Variants in COMMD1 observed in about 807,000 individuals in gnomAD.
The protein encoded by COMMD1 is COMM domain-containing protein 1.
Under a neutral mutation model 17.2 loss-of-function variants are expected in COMMD1, and 10 were observed. The observed-to-expected ratio is 0.58, with a 90% CI of 0.36 to 0.99. The LOEUF (loss-of-function observed/expected upper bound fraction) is 0.99. Ranked by LOEUF, COMMD1 falls within the 50% of genes least tolerant of loss-of-function variation. The pLI is 0.01. For synonymous variants in COMMD1, 97 were observed against 91.6 expected, an observed-to-expected ratio of 1.06 and a Z score of -0.34; for missense variants, 270 against 231.8, an observed-to-expected ratio of 1.17 and a Z score of -1.07.
rs980779549 is a variant in COMMD1 at position 62,030,719 on chromosome 2, A to G, written c.462+29737A>G. 9.2e-5 allele frequency among the ~76,000 whole-genome samples: 14 copies of G among 152,310 alleles called. No homozygotes were observed. In the South Asian group the frequency reaches 2.7e-3, roughly 29 times the overall value. On this transcript the variant is annotated intron_variant, in intron 2 of 2. Coordinates refer to ENST00000311832, the MANE Select transcript of COMMD1 (RefSeq NM_152516.4). ...TCTCTTAATAGACTATATACTTAAA[A>G]TATTTGCTGAAGCTTTAGAAGCCTC...
intron 1 of COMMD1, among the ~76,000 whole-genome samples, chr2:61,983,401 G>T (rs546412252): frequency 1.1e-4 from 17 of 152,176 alleles, no homozygotes; most frequent in African/African-American, 3.9e-4. Context: ...GTGTTAGCCA[G>T]GATGGTGTCA....
chr2:61,908,729 T>A (rs936029973), intron 1 of COMMD1, among the ~76,000 whole-genome samples: 5 of 151,564 alleles, frequency 3.3e-5, no homozygotes, highest in African/African-American at 1.2e-4. Flanking sequence ...CCGGCTAATT[T>A]TTTTGTTTTT....
At chr2:61,889,493 G>A (rs903521188) in intron 1 of COMMD1, among the ~76,000 whole-genome samples, 1 of 152,144 alleles carries the variant, frequency 6.6e-6, no homozygotes, top group Admixed American at 6.5e-5. Flanking sequence ...TTACAGGCGT[G>A]AGCCACCGCG....
chr2:62,135,315 G>A (rs933298006), intron 2 of COMMD1, among the ~76,000 whole-genome samples: 6 of 151,730 alleles, frequency 4.0e-5, no homozygotes, highest in Admixed American at 2.6e-4. Flanking sequence ...ACATTTGTAC[G>A]CCTCTTATTT....
intron 1 of COMMD1, among the ~76,000 whole-genome samples, chr2:61,963,061 G>A (rs1483010392): frequency 4.0e-5 from 6 of 151,596 alleles, no homozygotes; most frequent in Non-Finnish European, 8.8e-5. Flanking sequence ...TCGGGAGGCT[G>A]AGGCAGGAGA....
At chr2:62,056,610 G>T (rs1459940516) in intron 2 of COMMD1, among the ~76,000 whole-genome samples, 1 of 152,228 alleles carries the variant, frequency 6.6e-6, no homozygotes, top group Non-Finnish European at 1.5e-5. Context: ...TGAACATTAG[G>T]ATTTCTGACA....
chr2:62,074,992 C>T (rs1248605267), intron 2 of COMMD1, among the ~76,000 whole-genome samples: 7 of 149,682 alleles, frequency 4.7e-5, no homozygotes, highest in East Asian at 2.0e-4. Flanking sequence ...CGGGTTCAAG[C>T]GATTCTCCTG....
rs143075982 is a variant in COMMD1, at chr2:61,939,826, C to A, written c.180+33968C>A. 1.7e-3 allele frequency among the ~76,000 whole-genome samples: 265 copies of A among 152,274 alleles called. 2 individuals are homozygous for A. Among genetic ancestry groups the A allele is most frequent in the African/African-American group, 6.3e-3 (263 of 41,546 alleles). On this transcript the variant is annotated intron_variant, in intron 1 of 2. Coordinates refer to ENST00000311832, the MANE Select transcript of COMMD1 (RefSeq NM_152516.4). ...TCACCTCAGAACTGCCATTCACAAGCCAAACAGGTCATGAGAGCTATCAGG... is the reference window on the plus strand; with the variant it reads ...TCACCTCAGAACTGCCATTCACAAGACAAACAGGTCATGAGAGCTATCAGG...
At chr2:61,923,717 A>T (rs569390308) in intron 1 of COMMD1, among the ~76,000 whole-genome samples, 1 of 152,140 alleles carries the variant, frequency 6.6e-6, no homozygotes, top group Non-Finnish European at 1.5e-5. Flanking sequence ...CCAGTGAAAA[A>T]GTTTTAATTG....
At chr2:62,104,233 T>C (rs1672261471) in intron 2 of COMMD1, among the ~76,000 whole-genome samples, 1 of 152,144 alleles carries the variant, frequency 6.6e-6, no homozygotes, top group Non-Finnish European at 1.5e-5. Context: ...TGGCTTACGC[T>C]TATAATCCCA....
intron 1 of COMMD1, among the ~76,000 whole-genome samples, chr2:61,963,206 C>A (rs1247668462): frequency 6.8e-6 from 1 of 146,648 alleles, no homozygotes; most frequent in Non-Finnish European, 1.5e-5. Flanking sequence ...CACACACACA[C>A]ACACACACAC....
In COMMD1 at chr2:61,992,846, A is replaced by G. The variant is rs1334388014; in HGVS notation, c.181-7855A>G. ...TTTAACAGATAGTAATACATGCATA[A>G]TATAGTTCTATGCAGAGTTCCTGTG... On this transcript the variant is annotated intron_variant, in intron 1 of 2. Coordinates refer to ENST00000311832, the MANE Select transcript of COMMD1 (RefSeq NM_152516.4). Among the ~76,000 whole-genome samples the G allele has an allele frequency of 3.3e-5, 5 of 152,168 alleles. No homozygotes were observed. In the East Asian group the frequency reaches 9.6e-4, roughly 29 times the overall value.
At chr2:62,035,957 G>A (rs2103884494) in intron 2 of COMMD1, among the ~76,000 whole-genome samples, 1 of 152,072 alleles carries the variant, frequency 6.6e-6, no homozygotes, top group African/African-American at 2.4e-5. Context: ...AGGAGGCTGA[G>A]GTGGGAGGAT....
chr2:62,049,498 T>C (rs929063281), intron 2 of COMMD1, among the ~76,000 whole-genome samples: 3 of 152,108 alleles, frequency 2.0e-5, no homozygotes, highest in African/African-American at 7.2e-5. Context: ...ATCTAGTGGA[T>C]AGAGGACAGG....
At chr2:62,118,292 A>C (rs1480218624) in intron 2 of COMMD1, 1 of 152,228 alleles carries the variant, frequency 6.6e-6, no homozygotes, top group African/African-American at 2.4e-5. Flanking sequence ...GAGATCATGC[A>C]TGTGAAAGGG....
intron 2 of COMMD1, among the ~76,000 whole-genome samples, chr2:62,016,550 T>G (rs995684205): frequency 1.3e-5 from 2 of 151,604 alleles, no homozygotes; most frequent in African/African-American, 4.8e-5. Context: ...CTGAACTCAT[T>G]TTATGCACTT....
At chr2:61,936,031 G>T (rs1242149078) in intron 1 of COMMD1, among the ~76,000 whole-genome samples, 2 of 152,176 alleles carry the variant, frequency 1.3e-5, no homozygotes, top group African/African-American at 4.8e-5. Context: ...TGCCCAGGCT[G>T]GTCTCAAACT....
intron 2 of COMMD1, among the ~76,000 whole-genome samples, chr2:62,129,997 A>C (rs953713573): frequency 3.3e-5 from 5 of 152,090 alleles, no homozygotes; most frequent in Admixed American, 3.3e-4. Context: ...AACACGGTGA[A>C]ACCCCTTCTC....
At chr2:62,124,588 C>T (rs980391466) in intron 2 of COMMD1, among the ~76,000 whole-genome samples, 1 of 152,044 alleles carries the variant, frequency 6.6e-6, no homozygotes, top group Non-Finnish European at 1.5e-5. Context: ...CTCACTCTGT[C>T]GCCCAGCCTG....
Sources: gnomAD v4.1 joint callset for allele counts (sites outside exome capture counted in the v4.1 genomes callset) on GRCh38, gnomAD v4.1.1 for gene constraint, MANE v1.5 for transcripts, NCBI Gene and HGNC (gene_info 2026-07-23, HGNC 2026-07-21) for gene names.